Variants in EXPH5 observed in about 807,000 individuals in gnomAD.
EXPH5 encodes the protein exophilin 5.
In EXPH5, 42 loss-of-function variants were observed where a neutral mutation model predicts 41.1. The observed-to-expected ratio is 1.02, with a 90% CI of 0.80 to 1.32. The LOEUF (loss-of-function observed/expected upper bound fraction) is 1.32. Ranked by LOEUF, EXPH5 falls within the 40% of genes most tolerant of loss-of-function variation. The pLI is 0.00. For synonymous variants in EXPH5, 798 were observed against 833.5 expected, an observed-to-expected ratio of 0.96 and a Z score of 0.73; for missense variants, 2,298 against 2,314.5, an observed-to-expected ratio of 0.99 and a Z score of 0.15.
chr11:108,514,684 G>C lies in EXPH5; in HGVS notation c.823C>G (p.Leu275Val), dbSNP rs777659305. 1 of 1,603,262 alleles carries C rather than the reference G, an allele frequency of 6.2e-7. No homozygotes were observed. Among genetic ancestry groups the C allele is most frequent in the Non-Finnish European group, 8.5e-7 (1 of 1,176,274 alleles). Residue 275 changes from leucine (L) to valine (V), a missense_variant, in exon 6 of 6, where the codon CTA (leucine) becomes GTA (valine). Coordinates refer to ENST00000265843, the MANE Select transcript of EXPH5 (RefSeq NM_015065.3). ...ETSNMSIYDI[L>V]RPGTPREGFK... ...CCTTCCCTAGGAGTTCCTGGTCTTA[G>C]GATGTCATAGATAGACATATTGGAA...
chr11:108,506,195 A>T lies in EXPH5; in HGVS notation c.*3342T>A, dbSNP rs968208787. The T allele has an allele frequency of 1.3e-5, 2 of 152,232 alleles. No individual in the cohort carries two copies. The highest frequency in any genetic ancestry group is 4.8e-5 in the African/African-American group (2 of 41,458). 9.4% of individuals were successfully genotyped at this position (152,232 alleles called of 1,614,324 possible). ...ACAAGTTATGAATATAAAAATGACT[A>T]TTATAAGTTACCATAGCTATACCAA... On this transcript the variant is annotated 3_prime_UTR_variant, in exon 6 of 6. Coordinates refer to ENST00000265843, the MANE Select transcript of EXPH5 (RefSeq NM_015065.3).
Position 108,512,969 on chromosome 11 carries a change from A to T in EXPH5, c.2538T>A (p.Asn846Lys), listed in dbSNP as rs776047537. The T allele has an allele frequency of 6.2e-7, 1 of 1,612,896 alleles. No homozygotes were observed. The highest frequency in any genetic ancestry group is 1.3e-5 in the African/African-American group (1 of 74,856). ...NNEDISRIIT[N>K]NHWSSALTDT... Reference sequence around the variant, plus strand: ...CAGTCAGTGCAGAGCTCCAGTGGTTATTTGTAATAATTCTTGAAATATCTT... The same window carrying T: ...CAGTCAGTGCAGAGCTCCAGTGGTTTTTTGTAATAATTCTTGAAATATCTT... The change falls in exon 6 of 6, where the codon AAT becomes AAA. Residue 846 changes from asparagine to lysine, a missense_variant. Asn to Lys is a moderately conservative substitution (Grantham distance 94, BLOSUM62 0). Coordinates refer to ENST00000265843, the MANE Select transcript of EXPH5 (RefSeq NM_015065.3).
In EXPH5 at chr11:108,593,595, T is replaced by C; in HGVS notation, c.-59A>G. 1 of 1,612,486 alleles carries C rather than the reference T, an allele frequency of 6.2e-7. No individual in the cohort carries two copies. Among genetic ancestry groups the C allele is most frequent in the Non-Finnish European group, 8.5e-7 (1 of 1,179,278 alleles). ...CTTGGCGCCTCCTGTTAGGAAGGCATTTTTCAACCTGTACAAGACCAGTTT... is the reference window on the plus strand; with the variant it reads ...CTTGGCGCCTCCTGTTAGGAAGGCACTTTTCAACCTGTACAAGACCAGTTT... On this transcript the variant is annotated 5_prime_UTR_variant, in exon 1 of 6. An upstream start codon of the reference 5' UTR is lost. Transcript: ENST00000265843.
chr11:108,604,140 A>G, the EXPH5 span, among the ~76,000 whole-genome samples: 31 of 151,698 alleles, frequency 2.0e-4, no homozygotes, highest in African/African-American at 7.5e-4. Flanking sequence ...GCTCATGCCT[A>G]TAATCTTTGA....
chr11:108,573,228 G>A (rs1163974616), intron 1 of EXPH5, among the ~76,000 whole-genome samples: 1 of 151,514 alleles, frequency 6.6e-6, no homozygotes, highest in Non-Finnish European at 1.5e-5. Context: ...GAAAGGGAAA[G>A]CAAACCAGCA....
In EXPH5 at chr11:108,514,010, T is replaced by A. The variant is rs748200554; in HGVS notation, c.1497A>T (p.Ser499=). Residue 499 remains serine, a synonymous_variant, in exon 6 of 6, where the codon TCA becomes TCT. Transcript: ENST00000265843. Reference sequence around the variant, plus strand: ...CAAAGTCTCTGTCAGAAGAACTGAATGATTTCCTGCTTCGATGAAAGTCAG... The same window carrying A: ...CAAAGTCTCTGTCAGAAGAACTGAAAGATTTCCTGCTTCGATGAAAGTCAG... The part of the protein sequence containing the change: ...FWSDFHRSRK[S]FSSSDRDFEM... 6.2e-7 allele frequency: 1 copy of A among 1,613,792 alleles called. No homozygotes were observed. Among genetic ancestry groups the A allele is most frequent in the South Asian group, 1.1e-5 (1 of 90,982 alleles).
intron 1 of EXPH5, among the ~76,000 whole-genome samples, chr11:108,560,042 T>A (rs80232136): frequency 6.6e-6 from 1 of 152,272 alleles, no homozygotes; most frequent in East Asian, 1.9e-4. Context: ...CCACACACAC[T>A]AGTCAAATAT....
upstream of EXPH5, among the ~76,000 whole-genome samples, chr11:108,598,397 T>G (rs1220604992): frequency 6.6e-6 from 1 of 152,166 alleles, no homozygotes; most frequent in Non-Finnish European, 1.5e-5. Flanking sequence ...CTGTGACAGG[T>G]GCTGGAAATG....
At chr11:108,552,959 A>AC (rs2093973996) in intron 1 of EXPH5, among the ~76,000 whole-genome samples, 1 of 151,956 alleles carries the variant, frequency 6.6e-6, no homozygotes, top group Non-Finnish European at 1.5e-5. Context: ...ACTTTGGGAG[A>AC]CCGAGGTGGG....
At chr11:108,545,443 G>A (rs1344971298) in intron 1 of EXPH5, among the ~76,000 whole-genome samples, 1 of 152,124 alleles carries the variant, frequency 6.6e-6, no homozygotes, top group African/African-American at 2.4e-5. Flanking sequence ...GGGAGAGACA[G>A]ATATGAATCC....
At chr11:108,517,384 T>C (rs1168553226) in intron 5 of EXPH5, among the ~76,000 whole-genome samples, 1 of 152,206 alleles carries the variant, frequency 6.6e-6, no homozygotes, top group East Asian at 1.9e-4. Context: ...AGAAGGCCCC[T>C]ACGTTGACTG....
Position 108,511,988 on chromosome 11 carries a change from A to G in EXPH5, c.3519T>C (p.Cys1173=), listed in dbSNP as rs753704266. The part of the protein sequence containing the change: ...PVESDSSVRD[C]SLTKRQHQKE... ...TTTGGTGTTGTCTTTTGGTTAAAGA[A>G]CAATCTCTAACAGATGAGTCACTTT... The change falls in exon 6 of 6, where the codon TGT becomes TGC. Residue 1173 remains cysteine (C), a synonymous_variant. Coordinates refer to ENST00000265843, the MANE Select transcript of EXPH5 (RefSeq NM_015065.3). 1.2e-5 allele frequency: 19 copies of G among 1,593,500 alleles called. No individual in the cohort carries two copies. Among genetic ancestry groups the G allele is most frequent in the Non-Finnish European group, 1.4e-5 (16 of 1,173,682 alleles).
intron 1 of EXPH5, among the ~76,000 whole-genome samples, chr11:108,546,821 TTA>T (rs60282451): frequency 0.35 from 13,418 of 38,598 alleles, 590 homozygotes; most frequent in South Asian, 0.44. Context: ...GCATTTTCTA[TTA>T]TTTTTTTTTT....
chr11:108,553,048 A>G (rs972354443), intron 1 of EXPH5, among the ~76,000 whole-genome samples: 2 of 152,086 alleles, frequency 1.3e-5, no homozygotes, highest in Non-Finnish European at 2.9e-5. Flanking sequence ...ATACAAAAAA[A>G]TTAGCCATGT....
At chr11:108,555,887 T>C (rs909646196) in intron 1 of EXPH5, among the ~76,000 whole-genome samples, 1 of 152,136 alleles carries the variant, frequency 6.6e-6, no homozygotes, top group African/African-American at 2.4e-5. Flanking sequence ...TCTCTTTCCT[T>C]TATAAATTAC....
chr11:108,524,477 A>T (rs908970148), intron 4 of EXPH5, among the ~76,000 whole-genome samples: 6 of 152,214 alleles, frequency 3.9e-5, no homozygotes, highest in African/African-American at 1.4e-4. Flanking sequence ...ATCCCACAGG[A>T]TGAGAGGCCA....
At chr11:108,582,179 A>T (rs1232330028) in intron 1 of EXPH5, among the ~76,000 whole-genome samples, 2 of 152,186 alleles carry the variant, frequency 1.3e-5, no homozygotes, top group African/African-American at 4.8e-5. Flanking sequence ...AAAATAGTAT[A>T]CAGGCTGGGC....
chr11:108,556,095 T>A (rs538604553), intron 1 of EXPH5, among the ~76,000 whole-genome samples: 9 of 152,334 alleles, frequency 5.9e-5, no homozygotes, highest in South Asian at 2.1e-4. Flanking sequence ...TTGAGTAGCA[T>A]CTTGCCTGGC....
intron 1 of EXPH5, among the ~76,000 whole-genome samples, chr11:108,570,934 G>A (rs576602765): frequency 6.6e-6 from 1 of 152,292 alleles, no homozygotes; most frequent in South Asian, 2.1e-4. Context: ...TTTTAGACAC[G>A]TGCAAGTTGT....
Sources: allele counts gnomAD v4.1 joint callset (sites outside exome capture counted in the v4.1 genomes callset), GRCh38; gene constraint gnomAD v4.1.1; transcripts MANE v1.5; gene names NCBI Gene and HGNC (gene_info 2026-07-23, HGNC 2026-07-21).